Variants in CLDN10 observed in about 807,000 individuals in gnomAD.
The protein encoded by CLDN10 is claudin 10, also known as claudin-10.
Under a neutral mutation model 22.9 loss-of-function variants are expected in CLDN10, and 15 were observed. That is an observed-to-expected ratio of 0.65 (90% CI 0.44 to 1.01). CLDN10 has a LOEUF of 1.01. Among genes scored for constraint, CLDN10 ranks in the 50% least tolerant of loss-of-function variants. CLDN10 has a pLI of 0.00. For synonymous variants in CLDN10, 114 were observed against 111.4 expected (o/e 1.02, Z -0.15); for missense variants, 247 against 287.8 (o/e 0.86, Z 1.03).
intron 1 of CLDN10, among the ~76,000 whole-genome samples, chr13:95,532,916 A>G (rs1056024729): frequency 1.3e-5 from 2 of 151,968 alleles, no homozygotes; most frequent in Non-Finnish European, 2.9e-5. Context: ...TTGTATCTAG[A>G]TAAAGTTCTA....
chr13:95,489,480 A>G (rs1388785775), intron 1 of CLDN10, among the ~76,000 whole-genome samples: 1 of 151,750 alleles, frequency 6.6e-6, no homozygotes, highest in Non-Finnish European at 1.5e-5. Flanking sequence ...ATCATTGGTG[A>G]TGTTGAGCAT....
intron 1 of CLDN10, among the ~76,000 whole-genome samples, chr13:95,520,236 C>T (rs868115812): frequency 5.3e-5 from 8 of 152,272 alleles, no homozygotes; most frequent in African/African-American, 1.4e-4. Context: ...GCAAAACTTC[C>T]ATATTAAAAT....
rs148222636 is a variant in CLDN10 at position 95,529,003 on chromosome 13, T to G, written c.215-31129T>G. On this transcript the variant is annotated intron_variant, in intron 1 of 4. Coordinates refer to the CLDN10 transcript ENST00000376873. ...GATGGCCAATCAAGGGTGTTTTGTTTCTTTCTGAAACAAAGCTGGGAACAA... is the reference window on the plus strand; with the variant it reads ...GATGGCCAATCAAGGGTGTTTTGTTGCTTTCTGAAACAAAGCTGGGAACAA... Among the ~76,000 whole-genome samples the G allele has an allele frequency of 6.6e-5, 10 of 152,302 alleles. No homozygotes were observed. The East Asian group carries it at 1.7e-3, about 26-fold the overall frequency.
At chr13:95,538,189 G>A (rs1362424297) in intron 1 of CLDN10, among the ~76,000 whole-genome samples, 2 of 99,014 alleles carry the variant, frequency 2.0e-5, no homozygotes, top group Non-Finnish European at 3.6e-5. Flanking sequence ...TTTGAGACAT[G>A]CAATGGCACA....
intron 1 of CLDN10, among the ~76,000 whole-genome samples, chr13:95,498,242 G>A (rs777751581): frequency 9.9e-5 from 15 of 152,068 alleles, no homozygotes; most frequent in Non-Finnish European, 2.1e-4. Flanking sequence ...AATCCTCCAG[G>A]GATCCACAAC....
chr13:95,482,317 A>C (rs1265144694), intron 1 of CLDN10, among the ~76,000 whole-genome samples: 1 of 152,162 alleles, frequency 6.6e-6, no homozygotes, highest in Non-Finnish European at 1.5e-5. Flanking sequence ...GGGAGGTTAG[A>C]TTTGGCCCAA....
chr13:95,449,215 G>A lies in CLDN10; in HGVS notation c.214+15168G>A, dbSNP rs562788776. Among the ~76,000 whole-genome samples, 7 of 152,148 alleles carry A rather than the reference G, an allele frequency of 4.6e-5. No individual in the cohort carries two copies. In the South Asian group the frequency reaches 1.2e-3, roughly 27 times the overall value. On this transcript the variant is annotated intron_variant, in intron 1 of 4. Coordinates refer to the CLDN10 transcript ENST00000376873. The stretch of plus-strand genomic sequence containing the variant: ...GACTGCTGCTACTAGCTTTACTACC[G>A]ACCTAGTGACTTAAACTCTGTCTGT...
In CLDN10 at chr13:95,450,556, T is replaced by C. The variant is rs777909707; in HGVS notation, c.214+16509T>C. Among the ~76,000 whole-genome samples, 145 of 152,354 alleles carry C rather than the reference T, an allele frequency of 9.5e-4. 1 individual carries two copies. Among genetic ancestry groups the C allele is most frequent in the Non-Finnish European group, 1.5e-3 (101 of 68,032 alleles). ...CTTTTGAATTCCATGTTCTTTGCCA[T>C]GTGTCTTCCTCACAGTCCGCTCTGA... On this transcript the variant is annotated intron_variant, in intron 1 of 4. Coordinates refer to the CLDN10 transcript ENST00000376873.
At chr13:95,513,790 C>G (rs549815403) in intron 1 of CLDN10, among the ~76,000 whole-genome samples, 1 of 150,096 alleles carries the variant, frequency 6.7e-6, no homozygotes, top group East Asian at 1.9e-4. Context: ...TCTATAAAAT[C>G]TGTGTCTATA....
intron 1 of CLDN10, among the ~76,000 whole-genome samples, chr13:95,465,026 A>G (rs1470806280): frequency 6.6e-6 from 1 of 152,108 alleles, no homozygotes; most frequent in Non-Finnish European, 1.5e-5. Context: ...CCATTTTCAC[A>G]CTGCTGATAA....
intron 1 of CLDN10, among the ~76,000 whole-genome samples, chr13:95,466,983 T>A (rs2042586758): frequency 6.6e-6 from 1 of 150,782 alleles, no homozygotes; most frequent in Non-Finnish European, 1.5e-5. Context: ...TTCATGCCAT[T>A]CTCCTGCCTC....
chr13:95,507,877 C>T (rs1222605415), intron 1 of CLDN10, among the ~76,000 whole-genome samples: 3 of 152,066 alleles, frequency 2.0e-5, no homozygotes, highest in Admixed American at 2.0e-4. Flanking sequence ...CCTGCCTCGG[C>T]CTCCCAAAGT....
chr13:95,476,903 A>G (rs1265114755), intron 1 of CLDN10, among the ~76,000 whole-genome samples: 1 of 152,028 alleles, frequency 6.6e-6, no homozygotes, highest in African/African-American at 2.4e-5. Context: ...TTCAACAGTC[A>G]CTGATTGTGC....
intron 1 of CLDN10, among the ~76,000 whole-genome samples, chr13:95,480,784 C>T (rs191047836): frequency 3.7e-4 from 57 of 152,334 alleles, no homozygotes; most frequent in Admixed American, 7.8e-4. Context: ...ATTCAATAGA[C>T]ACGCTATTCA....
At chr13:95,487,264 T>C (rs2042814102) in intron 1 of CLDN10, among the ~76,000 whole-genome samples, 1 of 152,246 alleles carries the variant, frequency 6.6e-6, no homozygotes, top group Non-Finnish European at 1.5e-5. Context: ...CTTACTTTTC[T>C]ATTTTTCCCT....
At chr13:95,516,781 T>A (rs1196800484) in intron 1 of CLDN10, among the ~76,000 whole-genome samples, 1 of 152,152 alleles carries the variant, frequency 6.6e-6, no homozygotes, top group East Asian at 1.9e-4. Flanking sequence ...TCTCATCTTC[T>A]TAAGATCTTC....
chr13:95,494,335 ACAT>A (rs1482018342), intron 1 of CLDN10, among the ~76,000 whole-genome samples: 1 of 152,226 alleles, frequency 6.6e-6, no homozygotes, highest in African/African-American at 2.4e-5. Flanking sequence ...ACAAGAGGAA[ACAT>A]CATTTGCAGA....
intron 1 of CLDN10, among the ~76,000 whole-genome samples, chr13:95,556,587 G>A (rs1415569921): frequency 6.6e-6 from 1 of 152,148 alleles, no homozygotes; most frequent in African/African-American, 2.4e-5. Context: ...TGTGAAGGAG[G>A]TGCTGCCATC....
intron 1 of CLDN10, chr13:95,533,746 G>A (rs2043370946): frequency 6.6e-6 from 1 of 152,288 alleles, no homozygotes; most frequent in African/African-American, 2.4e-5. Context: ...TGAAGCAAAG[G>A]TCAGGCCTGC....
Sources: allele counts gnomAD v4.1 joint callset (sites outside exome capture counted in the v4.1 genomes callset), GRCh38; gene constraint gnomAD v4.1.1; transcripts MANE v1.5; gene names NCBI Gene and HGNC (gene_info 2026-07-23, HGNC 2026-07-21).